The following ZNF282 variants were observed in gnomAD, a reference collection of about 807,000 sequenced individuals.
ZNF282 encodes the protein zinc finger protein 282, also known as HTLV-I U5 repressive element-binding protein 1.
In ZNF282, 30 loss-of-function variants were observed where a neutral mutation model predicts 61.9. That is an observed-to-expected ratio of 0.48 (90% confidence interval 0.36 to 0.66). ZNF282 has a LOEUF of 0.66. Ranked by LOEUF, ZNF282 falls within the 30% of genes least tolerant of loss-of-function variation. The probability of loss-of-function intolerance (pLI) is 0.00; values close to 1 mark genes in which losing one functional copy is unlikely to be tolerated. For synonymous variants in ZNF282, 396 were observed against 405.0 expected (o/e 0.98, Z 0.27); for missense variants, 788 against 941.4 (o/e 0.84, Z 2.13).
intron 4 of ZNF282, 143 bp from the exon 5 acceptor site, chr7:149,210,442 G>A: frequency 7.1e-7 from 1 of 1,399,446 alleles, no homozygotes; most frequent in Non-Finnish European, 9.7e-7. Context: ...AGTGCTGTCA[G>A]CCATGCTTCT....
intron 2 of ZNF282, among the ~76,000 whole-genome samples, chr7:149,201,924 G>A (rs1272098612): frequency 6.6e-6 from 1 of 152,038 alleles, no homozygotes; most frequent in Non-Finnish European, 1.5e-5. Context: ...TGCGCCCCCA[G>A]CTCAGGGACT....
Position 149,202,150 on chromosome 7 carries a change from C to CTT in ZNF282, c.585+3417_585+3418dup, listed in dbSNP as rs35380773. ...CATCTTAAATATTTAAGATATGCTT[C>CTT]TTTTTTTTTTTTTTTTTTTTGAGAC... On this transcript the variant is annotated intron_variant, in intron 2 of 7. Coordinates refer to ENST00000610704, the MANE Select transcript of ZNF282 (RefSeq NM_003575.4). Among the ~76,000 whole-genome samples the CTT allele has an allele frequency of 9.7e-3, 1,231 of 126,564 alleles. 25 individuals are homozygous for CTT. The highest frequency in any genetic ancestry group is 0.014 in the Non-Finnish European group (854 of 60,318). The allele number at this position is 126,564 out of a possible 152,430, so 83.0% of individuals were successfully genotyped here.
chr7:149,208,152 A>T (rs1449173038), intron 4 of ZNF282, among the ~76,000 whole-genome samples: 11 of 152,128 alleles, frequency 7.2e-5, no homozygotes, highest in African/African-American at 2.7e-4. Context: ...CATTGGAGGA[A>T]CTTTTGCCTG....
At position 149,198,802 on chromosome 7, in the gene ZNF282, G is replaced by A; in HGVS notation, c.585+50G>A. On this transcript the variant is annotated intron_variant, in intron 2 of 7. Transcript: ENST00000610704. This position sits in a 1 kb window ranked among gnomAD's most constrained non-coding sequence, Gnocchi z 4.3. ...GATAGAGGTGAGGAACAGCACAGGT[G>A]CATAAAATTCTTGATTTCATTTTGT... The A allele has an allele frequency of 6.5e-7, 1 of 1,537,812 alleles. No homozygotes were observed. Among genetic ancestry groups the A allele is most frequent in the Non-Finnish European group, 8.7e-7 (1 of 1,146,200 alleles).
intron 5 of ZNF282, 57 bp downstream of exon 5, chr7:149,210,761 G>T: frequency 6.8e-7 from 1 of 1,473,826 alleles, no homozygotes; most frequent in Non-Finnish European, 9.0e-7. Context: ...GAGAGGGTTA[G>T]CATGGTCTGC....
chr7:149,220,014 A>G (rs1024931468), intron 7 of ZNF282, among the ~76,000 whole-genome samples: 1 of 152,170 alleles, frequency 6.6e-6, no homozygotes, highest in Non-Finnish European at 1.5e-5. Context: ...CACGGGCCAC[A>G]TGGGCCTAGG....
chr7:149,217,060 G>A (rs147477982), intron 7 of ZNF282, among the ~76,000 whole-genome samples: 2 of 152,302 alleles, frequency 1.3e-5, no homozygotes, highest in African/African-American at 4.8e-5. Context: ...TCCTGAAGCT[G>A]GGCCACCATT....
chr7:149,207,432 AC>A lies in ZNF282; in HGVS notation c.798del (p.Glu267LysfsTer26). On this transcript the variant is annotated frameshift_variant, in exon 4 of 8. Coordinates refer to ENST00000610704, the MANE Select transcript of ZNF282 (RefSeq NM_003575.4). LOFTEE classifies it high-confidence loss of function. ...GAACCTTGTGTGTGGGAGCAGCGCC[AC>A]CCCGAAGAGAGAGAAATCCCAATGG... ...REEPCVWEQR[H>X]PEEREIPMDP... 6.4e-7 allele frequency: 1 copy of A among 1,565,646 alleles called. No individual in the cohort carries two copies. The highest frequency in any genetic ancestry group is 8.7e-7 in the Non-Finnish European group (1 of 1,154,034).
chr7:149,224,101 G>C lies in ZNF282; in HGVS notation c.1470G>C (p.Thr490=). The part of the protein sequence containing the change: ...GGGGGGAEAG[T]GAGGGCGSCC... ...GGGGCGGCGGCGCGGAGGCGGGGAC[G>C]GGGGCAGGCGGCGGCTGTGGCAGCT... The change falls in exon 8 of 8, where the codon ACG becomes ACC. Residue 490 remains threonine (T), a synonymous_variant. Transcript: ENST00000610704. 2 of 1,389,822 alleles carry C rather than the reference G, an allele frequency of 1.4e-6. No homozygotes were observed. Among genetic ancestry groups the C allele is most frequent in the South Asian group, 1.6e-5 (1 of 61,838 alleles). 86.1% of individuals were successfully genotyped at this position (1,389,822 alleles called of 1,614,324 possible). A position where few individuals can be genotyped will look rare whatever the true frequency, so the allele number is the denominator to read the frequency against.
chr7:149,224,228 C>T lies in ZNF282; in HGVS notation c.1597C>T (p.Leu533Phe). The change falls in exon 8 of 8, where the codon CTC becomes TTC. Residue 533 changes from leucine (L) to phenylalanine (F), a missense_variant. Leu to Phe is a conservative substitution (Grantham distance 22). This residue lies in a region of ZNF282 where 559 missense variants were observed against 642.0 expected (regional missense o/e 0.87). Transcript: ENST00000610704. ...CGKSFGVRKSLIIHHRSHTKE... is the reference protein window; with the variant it reads ...CGKSFGVRKSFIIHHRSHTKE... Reference sequence around the variant, plus strand: ...CAAGAGCTTCGGCGTGCGCAAGAGCCTCATCATCCACCACCGCAGCCACAC... The same window carrying T: ...CAAGAGCTTCGGCGTGCGCAAGAGCTTCATCATCCACCACCGCAGCCACAC... The T allele has an allele frequency of 1.2e-6, 2 of 1,611,356 alleles. No homozygotes were observed. Among genetic ancestry groups the T allele is most frequent in the Non-Finnish European group, 1.7e-6 (2 of 1,179,872 alleles).
intron 2 of ZNF282, among the ~76,000 whole-genome samples, chr7:149,203,917 C>A (rs1048000520): frequency 4.6e-5 from 7 of 152,170 alleles, no homozygotes; most frequent in African/African-American, 1.7e-4. Flanking sequence ...TAACAGATTA[C>A]CTCAAAATGT....
At chr7:149,213,975 T>C (rs1221649407) in intron 7 of ZNF282, among the ~76,000 whole-genome samples, 161 bp downstream of exon 7, 1 of 152,196 alleles carries the variant, frequency 6.6e-6, no homozygotes, top group African/African-American at 2.4e-5. Flanking sequence ...CCATTCTTTT[T>C]GGAGTGTGAT....
At chr7:149,210,365 C>A (rs1796063544) in intron 4 of ZNF282, among the ~76,000 whole-genome samples, 1 of 152,222 alleles carries the variant, frequency 6.6e-6, no homozygotes, top group African/African-American at 2.4e-5. Context: ...GCTCCTGAGA[C>A]CTTCTGCTCC....
intron 2 of ZNF282, among the ~76,000 whole-genome samples, chr7:149,199,351 G>A (rs569128163): frequency 3.3e-5 from 5 of 152,176 alleles, no homozygotes; most frequent in Admixed American, 1.3e-4. Context: ...TCTGCTGCTC[G>A]GTGGCCACAG....
At chr7:149,203,126 A>G (rs1010998631) in intron 2 of ZNF282, among the ~76,000 whole-genome samples, 4 of 152,130 alleles carry the variant, frequency 2.6e-5, no homozygotes, top group African/African-American at 7.2e-5. Context: ...GGTTTTGCAT[A>G]TGTCGCTTGT....
intron 2 of ZNF282, among the ~76,000 whole-genome samples, chr7:149,203,871 CTA>C (rs2129523174): frequency 6.6e-6 from 1 of 152,252 alleles, no homozygotes; most frequent in South Asian, 2.1e-4. Context: ...TGGGAAGACA[CTA>C]TGTAGATTAT....
At chr7:149,220,867 C>G (rs983768302) in intron 7 of ZNF282, among the ~76,000 whole-genome samples, 5 of 151,148 alleles carry the variant, frequency 3.3e-5, no homozygotes, top group Admixed American at 6.6e-5. Flanking sequence ...AAAGTAAAAC[C>G]CACTAGAGAC....
intron 7 of ZNF282, 132 bp from the exon 8 acceptor site, chr7:149,223,680 C>A: frequency 9.8e-7 from 1 of 1,019,178 alleles, no homozygotes; most frequent in Non-Finnish European, 1.3e-6. Context: ...CGTGGCCCAG[C>A]ACCTTGTGCA....
intron 7 of ZNF282, among the ~76,000 whole-genome samples, chr7:149,220,301 A>C (rs1369629905): frequency 2.0e-5 from 3 of 151,666 alleles, no homozygotes; most frequent in Non-Finnish European, 2.9e-5. Flanking sequence ...AGTCCCAGCT[A>C]CTCGGGAGGC....
Sources: allele counts gnomAD v4.1 joint callset (sites outside exome capture counted in the v4.1 genomes callset), GRCh38; gene constraint gnomAD v4.1.1; regional missense constraint gnomAD v4.1.1; non-coding constraint Gnocchi (gnomAD v3.1); transcripts MANE v1.5; gene names NCBI Gene and HGNC (gene_info 2026-07-23, HGNC 2026-07-21).